Variants in KCNC4 observed in about 807,000 individuals in gnomAD.
KCNC4 encodes the protein voltage-gated potassium channel KCNC4.
In KCNC4, 23 loss-of-function variants were observed where a neutral mutation model predicts 42.8. That is an observed-to-expected ratio of 0.54 (90% confidence interval 0.39 to 0.76). The LOEUF (loss-of-function observed/expected upper bound fraction) is 0.76. Among genes scored for constraint, KCNC4 ranks in the 30% least tolerant of loss-of-function variants. The pLI is 0.00. For missense variants in KCNC4, 751 were observed against 898.2 expected (o/e 0.84, Z 2.10); for synonymous variants, 422 against 393.5 (o/e 1.07, Z -0.86).
At chr1:110,245,547 T>C (rs1265732556) in exon 4 of KCNC4, 1 of 152,204 alleles carries the variant, frequency 6.6e-6, no homozygotes, top group Non-Finnish European at 1.5e-5. Context: ...GTGGTGATTG[T>C]ACAACCCTAA....
At chr1:110,232,499 C>T (rs1658747310) in intron 3 of KCNC4, 2 of 1,438,570 alleles carry the variant, frequency 1.4e-6, no homozygotes, top group Non-Finnish European at 9.1e-7. Context: ...CCACTGCCTC[C>T]ATGCAAGGCT....
chr1:110,265,387 TAAAATAAAATA>T (rs1659522246), intron 1 of KCNC4, among the ~76,000 whole-genome samples: 1 of 137,400 alleles, frequency 7.3e-6, no homozygotes, highest in African/African-American at 2.9e-5. Flanking sequence ...TAAAATAAAA[TAAAATAAAATA>T]AAATAAAATA....
At chr1:110,214,584 C>T (rs568325744) in intron 1 of KCNC4, among the ~76,000 whole-genome samples, 2 of 152,302 alleles carry the variant, frequency 1.3e-5, no homozygotes, top group South Asian at 4.1e-4. Context: ...TGATTATCCC[C>T]GTTTAATAGA....
chr1:110,275,757 G>A (rs995455844), intron 1 of KCNC4, among the ~76,000 whole-genome samples: 3 of 151,956 alleles, frequency 2.0e-5, no homozygotes, highest in African/African-American at 7.3e-5. Flanking sequence ...AGGAGATCGA[G>A]ACCATTCTGG....
intron 1 of KCNC4, among the ~76,000 whole-genome samples, chr1:110,262,895 C>T (rs1036765261): frequency 2.6e-5 from 4 of 152,212 alleles, no homozygotes; most frequent in African/African-American, 9.6e-5. Context: ...CCTGTCTTTC[C>T]CGCCTGTCAA....
chr1:110,278,062 A>G (rs1214511365), intron 1 of KCNC4, among the ~76,000 whole-genome samples: 1 of 151,976 alleles, frequency 6.6e-6, no homozygotes, highest in Non-Finnish European at 1.5e-5. Context: ...CAGAAGGATC[A>G]CCTGAGCCCA....
chr1:110,282,022 A>T (rs2101096299), intron 1 of KCNC4, among the ~76,000 whole-genome samples: 1 of 152,280 alleles, frequency 6.6e-6, no homozygotes, highest in Non-Finnish European at 1.5e-5. Context: ...CCCACTGAGC[A>T]CCCTGCACCC....
chr1:110,255,510 G>A (rs1033725328), intron 1 of KCNC4, among the ~76,000 whole-genome samples: 5 of 152,296 alleles, frequency 3.3e-5, no homozygotes, highest in African/African-American at 1.2e-4. Flanking sequence ...AGAGCCGGGT[G>A]TATTTTTAGC....
chr1:110,222,911 G>T, intron 1 of KCNC4, 53 bp from the exon 2 acceptor site: 6 of 1,380,948 alleles, frequency 4.3e-6, no homozygotes, highest in Non-Finnish European at 6.1e-6. Flanking sequence ...CCCCAGCTGG[G>T]CCCATCCATC....
chr1:110,281,057 C>T (rs577259689), intron 1 of KCNC4, among the ~76,000 whole-genome samples: 31 of 152,216 alleles, frequency 2.0e-4, no homozygotes, highest in African/African-American at 7.2e-4. Flanking sequence ...TTCAGGCTCC[C>T]TGTGGTGGTG....
At chr1:110,249,511 C>G (rs1296615083), downstream of KCNC4, among the ~76,000 whole-genome samples, 1 of 152,172 alleles carries the variant, frequency 6.6e-6, no homozygotes, top group Non-Finnish European at 1.5e-5. Context: ...GCACCAGAGC[C>G]AGCTTCCTTC....
intron 3 of KCNC4, among the ~76,000 whole-genome samples, chr1:110,227,294 G>A (rs1217497408): frequency 6.6e-6 from 1 of 152,196 alleles, no homozygotes; most frequent in Non-Finnish European, 1.5e-5. Flanking sequence ...TGGCCTGCCA[G>A]CCCATGCAGG....
intron 1 of KCNC4, among the ~76,000 whole-genome samples, chr1:110,275,340 T>C (rs1325043223): frequency 1.3e-5 from 2 of 152,168 alleles, no homozygotes; most frequent in Non-Finnish European, 2.9e-5. Context: ...AGAATAGTTA[T>C]TATTAAAAAG....
chr1:110,257,598 G>A (rs985371230), intron 1 of KCNC4, among the ~76,000 whole-genome samples: 1 of 151,844 alleles, frequency 6.6e-6, no homozygotes, highest in Non-Finnish European at 1.5e-5. Context: ...GCGGGCGCCT[G>A]TAGTCCCAGC....
At chr1:110,262,051 T>C (rs1255158797) in intron 1 of KCNC4, among the ~76,000 whole-genome samples, 1 of 152,228 alleles carries the variant, frequency 6.6e-6, no homozygotes, top group Non-Finnish European at 1.5e-5. Flanking sequence ...TTTAAATCTC[T>C]CATACCTGTA....
In KCNC4 at chr1:110,220,863, A is replaced by T. The variant is rs562970635; in HGVS notation, c.679-2101A>T. On this transcript the variant is annotated intron_variant, in intron 1 of 3. Transcript: ENST00000438661. ...AGAGGAGGAAGAATGAGGCTAGAAAAGGAACTTAAATTTACCTTCACAGGG... is the reference window on the plus strand; with the variant it reads ...AGAGGAGGAAGAATGAGGCTAGAAATGGAACTTAAATTTACCTTCACAGGG... The T allele has an allele frequency of 2.0e-5, 3 of 152,362 alleles. No homozygotes were observed. The South Asian group carries it at 6.2e-4, about 32-fold the overall frequency. The allele number at this position is 152,362 out of a possible 1,614,324, so 9.4% of individuals were successfully genotyped here. A position where few individuals can be genotyped will look rare whatever the true frequency, so the allele number is the denominator to read the frequency against.
rs116729439 is a variant in KCNC4, at chr1:110,219,254, C to T, written c.679-3710C>T. On this transcript the variant is annotated intron_variant, in intron 1 of 3. Transcript: ENST00000438661. ...ATTCGGCTCACCTTCAAAAGCTGCA[C>T]GCAGAGGACCCTAACCCTCCTCAAC... 1.3e-3 allele frequency among the ~76,000 whole-genome samples: 204 copies of T among 152,294 alleles called. 2 individuals are homozygous for T. Among genetic ancestry groups the T allele is most frequent in the African/African-American group, 4.6e-3 (191 of 41,556 alleles).
chr1:110,220,071 G>C (rs919482621), intron 1 of KCNC4: 1 of 152,184 alleles, frequency 6.6e-6, no homozygotes. Context: ...CTACCTGCTC[G>C]GTCAGAGGGG....
intron 1 of KCNC4, among the ~76,000 whole-genome samples, chr1:110,214,973 TC>T (rs142947871): frequency 0.012 from 1,785 of 152,194 alleles, 32 homozygotes; most frequent in African/African-American, 0.04. Context: ...CCAGCCCTGT[TC>T]CCCCCGGTAT....
Sources: allele counts gnomAD v4.1 joint callset (sites outside exome capture counted in the v4.1 genomes callset), GRCh38; gene constraint gnomAD v4.1.1; transcripts MANE v1.5; gene names NCBI Gene and HGNC (gene_info 2026-07-23, HGNC 2026-07-21).